ARHGAP26: variants seen among roughly 807,000 people sequenced by gnomAD.
ARHGAP26 encodes rho GTPase-activating protein 26.
In ARHGAP26, 38 loss-of-function variants were observed where a neutral mutation model predicts 104.8. That is an observed-to-expected ratio of 0.36 (90% CI 0.28 to 0.48). The LOEUF is 0.48. ARHGAP26 is among the 20% of genes least tolerant of loss of function. ARHGAP26 has a pLI of 0.99. For synonymous variants in ARHGAP26, 341 were observed against 340.0 expected (o/e 1.00, Z -0.03); for missense variants, 704 against 947.9 (o/e 0.74, Z 3.38).
chr5:142,957,793 T>C (rs554774066), intron 11 of ARHGAP26, among the ~76,000 whole-genome samples: 1 of 152,376 alleles, frequency 6.6e-6, no homozygotes, highest in African/African-American at 2.4e-5. Context: ...CAAGGAAAAC[T>C]TCTGCCTATC....
intron 17 of ARHGAP26, among the ~76,000 whole-genome samples, chr5:143,093,271 T>C (rs1330372481): frequency 1.3e-5 from 2 of 152,044 alleles, no homozygotes; most frequent in African/African-American, 2.4e-5. Context: ...CCGCTACAGG[T>C]TGAATGCATT....
In ARHGAP26 at chr5:142,770,684, C is replaced by A; in HGVS notation, c.-78C>A. 9.8e-7 allele frequency: 1 copy of A among 1,022,030 alleles called. No homozygotes were observed. The highest frequency in any genetic ancestry group is 1.2e-6 in the Non-Finnish European group (1 of 840,320). The allele number at this position is 1,022,030 out of a possible 1,614,324, so 63.3% of individuals were successfully genotyped here. On this transcript the variant is annotated 5_prime_UTR_variant, in exon 1 of 23. Coordinates refer to ENST00000645722, the MANE Select transcript of ARHGAP26 (RefSeq NM_001135608.3). ...CCGTCGGGGGAGCCGGCCGGGGTCC[C>A]GCCGCGTGAGTGCTCTGGGCGGCGG...
intron 20 of ARHGAP26, among the ~76,000 whole-genome samples, chr5:143,205,383 C>T (rs3776226): frequency 0.12 from 18,456 of 152,092 alleles, 1,372 homozygotes; most frequent in Non-Finnish European, 0.16. Flanking sequence ...TATATGAATG[C>T]CATCTGCTAT....
At chr5:143,017,067 T>G (rs572954771) in intron 12 of ARHGAP26, among the ~76,000 whole-genome samples, 7 of 152,332 alleles carry the variant, frequency 4.6e-5, no homozygotes, top group African/African-American at 1.7e-4. Flanking sequence ...TGATATGAAT[T>G]TAAGAGTGAG....
chr5:142,870,737 G>A (rs1660469281), intron 1 of ARHGAP26, among the ~76,000 whole-genome samples: 1 of 152,160 alleles, frequency 6.6e-6, no homozygotes, highest in South Asian at 2.1e-4. Flanking sequence ...TGAGATAACT[G>A]AGACTTTATG....
At chr5:142,929,185 C>A (rs142745125) in intron 10 of ARHGAP26, among the ~76,000 whole-genome samples, 51 of 152,336 alleles carry the variant, frequency 3.3e-4, no homozygotes, top group Non-Finnish European at 4.0e-4. Context: ...GGTCCGCCCA[C>A]CTCGGCCTCC....
At chr5:143,072,398 C>T (rs1788399977) in intron 17 of ARHGAP26, among the ~76,000 whole-genome samples, 1 of 152,082 alleles carries the variant, frequency 6.6e-6, no homozygotes, top group South Asian at 2.1e-4. Context: ...AGTCCCACTA[C>T]TGGAAACTAT....
intron 1 of ARHGAP26, among the ~76,000 whole-genome samples, chr5:142,818,866 C>T (rs1173277911): frequency 9.2e-5 from 14 of 152,070 alleles, no homozygotes; most frequent in Admixed American, 9.2e-4. Flanking sequence ...AGGGGACCCA[C>T]ATTAGAATGC....
chr5:143,214,263 TAGC>T (rs1030714944), intron 22 of ARHGAP26, among the ~76,000 whole-genome samples, 175 bp downstream of exon 22: 1 of 152,122 alleles, frequency 6.6e-6, no homozygotes, highest in African/African-American at 2.4e-5. Context: ...CAAAATAAAA[TAGC>T]AGCAGCAGGA....
chr5:142,942,086 C>T (rs1339439635), intron 11 of ARHGAP26, among the ~76,000 whole-genome samples: 1 of 151,842 alleles, frequency 6.6e-6, no homozygotes, highest in East Asian at 1.9e-4. Flanking sequence ...ATTTGTTAAA[C>T]AACTAGAGTC....
At chr5:143,011,937 G>A (rs1314365282) in intron 11 of ARHGAP26, among the ~76,000 whole-genome samples, 2 of 152,132 alleles carry the variant, frequency 1.3e-5, no homozygotes, top group African/African-American at 4.8e-5. Flanking sequence ...ATATTTCTTT[G>A]GCACAGTCTC....
chr5:142,982,531 G>A (rs141895291), intron 11 of ARHGAP26, among the ~76,000 whole-genome samples: 18 of 152,284 alleles, frequency 1.2e-4, no homozygotes, highest in Admixed American at 2.0e-4. Flanking sequence ...TGTACAGCCT[G>A]GCAGTCCTGT....
chr5:142,928,203 T>G (rs140653642), intron 10 of ARHGAP26, among the ~76,000 whole-genome samples: 2,545 of 151,744 alleles, frequency 0.017, 34 homozygotes, highest in Non-Finnish European at 0.024. Flanking sequence ...TATTTTTTCT[T>G]TATGATTAGG....
intron 17 of ARHGAP26, among the ~76,000 whole-genome samples, chr5:143,105,708 G>T (rs2150666263): frequency 6.6e-6 from 1 of 152,318 alleles, no homozygotes; most frequent in South Asian, 2.1e-4. Context: ...GTCTGAAAAT[G>T]CCACGTGTGC....
chr5:143,023,217 TG>T (rs1780585270), intron 12 of ARHGAP26, among the ~76,000 whole-genome samples: 1 of 152,242 alleles, frequency 6.6e-6, no homozygotes, highest in African/African-American at 2.4e-5. Context: ...AACTCCCTGA[TG>T]GCGTTTTATT....
At position 143,206,041 on chromosome 5, in the gene ARHGAP26, A is replaced by G. The variant is rs192920903; in HGVS notation, c.1989-1157A>G. 8.5e-5 allele frequency among the ~76,000 whole-genome samples: 13 copies of G among 152,360 alleles called. No individual in the cohort carries two copies. The East Asian group carries it at 2.1e-3, about 25-fold the overall frequency. ...CTGTTATTTGTCTATAGGTGTTACA[A>G]CAGTAAGTAATTAGGGCTATTATTG... On this transcript the variant is annotated intron_variant, in intron 20 of 22. Coordinates refer to ENST00000645722, the MANE Select transcript of ARHGAP26 (RefSeq NM_001135608.3).
At chr5:142,868,390 AG>A (rs1754701252) in intron 1 of ARHGAP26, among the ~76,000 whole-genome samples, 1 of 152,208 alleles carries the variant, frequency 6.6e-6, no homozygotes, top group Admixed American at 6.5e-5. Flanking sequence ...AGCTCTGGGA[AG>A]CCATCACAGG....
chr5:143,029,993 G>A (rs539166306), intron 12 of ARHGAP26, among the ~76,000 whole-genome samples: 68 of 152,284 alleles, frequency 4.5e-4, no homozygotes, highest in Non-Finnish European at 6.2e-4. Flanking sequence ...GCATGGGGTC[G>A]TTTGGGGGCA....
intron 12 of ARHGAP26, among the ~76,000 whole-genome samples, chr5:143,023,743 C>G (rs1297396386): frequency 6.6e-6 from 1 of 152,240 alleles, no homozygotes; most frequent in East Asian, 1.9e-4. Flanking sequence ...GCCTGGCCGC[C>G]TATGCACTGG....
Sources: gnomAD v4.1 joint callset for allele counts (sites outside exome capture counted in the v4.1 genomes callset) on GRCh38, gnomAD v4.1.1 for gene constraint, MANE v1.5 for transcripts, NCBI Gene and HGNC (gene_info 2026-07-23, HGNC 2026-07-21) for gene names.